Variants in ZNF664 observed in about 807,000 individuals in gnomAD.
The protein encoded by ZNF664 is zinc finger protein 664.
In ZNF664, 10 loss-of-function variants were observed where a neutral mutation model predicts 18.2. The ratio of observed to expected loss-of-function variants is 0.55; its 90% CI spans 0.34 to 0.93. The LOEUF (loss-of-function observed/expected upper bound fraction) is 0.93, where lower values mean the gene tolerates loss of function less well. Ranked by LOEUF, ZNF664 falls within the 40% of genes least tolerant of loss-of-function variation. ZNF664 has a pLI of 0.02. For synonymous variants in ZNF664, 119 were observed against 104.2 expected, an observed-to-expected ratio of 1.14 and a Z score of -0.86; for missense variants, 193 against 319.0, an observed-to-expected ratio of 0.61 and a Z score of 3.01.
chr12:124,007,773 C>G (rs1188363866), intron 3 of ZNF664, among the ~76,000 whole-genome samples: 1 of 96,890 alleles, frequency 1.0e-5, no homozygotes, highest in African/African-American at 5.1e-5. Flanking sequence ...ACTATTATCT[C>G]TTACCTAAAT....
chr12:124,001,023 A>T (rs1329505633), intron 3 of ZNF664, among the ~76,000 whole-genome samples: 1 of 152,172 alleles, frequency 6.6e-6, no homozygotes, highest in East Asian at 1.9e-4. Flanking sequence ...TGGAAATCAC[A>T]ATCTTTGTCT....
rs964269377 is a variant in ZNF664, at chr12:123,988,247, C to A, written c.-661+109C>A. 10 of 1,041,416 alleles carry A rather than the reference C, an allele frequency of 9.6e-6. No individual in the cohort carries two copies. In the African/African-American group the frequency reaches 1.2e-4, roughly 12 times the overall value. 64.5% of individuals were successfully genotyped at this position (1,041,416 alleles called of 1,614,324 possible). A position where few individuals can be genotyped will look rare whatever the true frequency, so the allele number is the denominator to read the frequency against. On this transcript the variant is annotated intron_variant, in intron 3 of 4. Transcript: ENST00000337815. ...TTTCTGAGCATGTGCCCTTTGGGCT[C>A]AGTGAGGAAGCAGCTCTCCGTGCAC...
chr12:123,984,487 G>T (rs1372897356), intron 2 of ZNF664, among the ~76,000 whole-genome samples: 1 of 152,128 alleles, frequency 6.6e-6, no homozygotes, highest in Non-Finnish European at 1.5e-5. Flanking sequence ...AGGGAGACAG[G>T]GTAGCTAGAG....
intron 2 of ZNF664, 29 bp downstream of exon 2, chr12:123,974,049 C>T (rs1219748840): frequency 3.0e-6 from 3 of 1,006,022 alleles, no homozygotes; most frequent in Non-Finnish European, 3.8e-6. Flanking sequence ...CTGTCCACTT[C>T]CCTCTGACTC....
intron 3 of ZNF664, among the ~76,000 whole-genome samples, chr12:123,990,361 T>G (rs545450191): frequency 1.3e-5 from 2 of 152,278 alleles, no homozygotes; most frequent in East Asian, 3.9e-4. Context: ...TAACTACTGT[T>G]GCTACTCCTA....
At chr12:124,005,089 T>C (rs1463363379) in intron 3 of ZNF664, among the ~76,000 whole-genome samples, 1 of 152,206 alleles carries the variant, frequency 6.6e-6, no homozygotes. Context: ...TGGTCCCTGC[T>C]GCCAAAAAGG....
At chr12:124,008,341 G>A (rs1957097300) in intron 3 of ZNF664, among the ~76,000 whole-genome samples, 1 of 152,158 alleles carries the variant, frequency 6.6e-6, no homozygotes, top group Non-Finnish European at 1.5e-5. Flanking sequence ...GTTTCCCATT[G>A]CACCACAGCA....
In ZNF664 at chr12:123,973,360, C is replaced by A. The variant is rs1171995898; in HGVS notation, c.-892+8C>A. On this transcript the variant is annotated splice_region_variant and intron_variant, in intron 1 of 4. Transcript: ENST00000337815. The stretch of plus-strand genomic sequence containing the variant: ...TGACTCCCCTCACTTGGAGTGAGTT[C>A]TCGGCGGCCGGGCTGCAGTCTTTCT... 2.1e-6 allele frequency: 2 copies of A among 961,242 alleles called. No individual in the cohort carries two copies. The highest frequency in any genetic ancestry group is 1.2e-6 in the Non-Finnish European group (1 of 816,218). 59.5% of individuals were successfully genotyped at this position (961,242 alleles called of 1,614,324 possible).
rs147146939 is a variant in ZNF664, at chr12:124,014,820, A to G, written c.*1890A>G. On this transcript the variant is annotated 3_prime_UTR_variant, in exon 5 of 5. Coordinates refer to ENST00000337815, the MANE Select transcript of ZNF664 (RefSeq NM_152437.3). ...GAGCACATGATTTAGTGGGTGGGCC[A>G]TGAAACTAGAGATGGGATTTGGGGG... 1.8e-5 allele frequency: 3 copies of G among 166,166 alleles called. No individual in the cohort carries two copies. The highest frequency in any genetic ancestry group is 3.9e-4 in the East Asian group (2 of 5,186). 10.3% of individuals were successfully genotyped at this position (166,166 alleles called of 1,614,324 possible). A position where few individuals can be genotyped will look rare whatever the true frequency, so the allele number is the denominator to read the frequency against.
chr12:124,015,019 CTT>C lies in ZNF664; in HGVS notation c.*2091_*2092del, dbSNP rs1282269658. On this transcript the variant is annotated 3_prime_UTR_variant, in exon 5 of 5. Coordinates refer to ENST00000337815, the MANE Select transcript of ZNF664 (RefSeq NM_152437.3). Reference sequence around the variant, plus strand: ...CGATTTACTGTAGTGTCTTATCACTCTTTCATGTCACAATAGCGTGGAGCATT... The same window carrying C: ...CGATTTACTGTAGTGTCTTATCACTCTCATGTCACAATAGCGTGGAGCATT... The C allele has an allele frequency of 6.0e-6, 1 of 167,116 alleles. No individual in the cohort carries two copies. Among genetic ancestry groups the C allele is most frequent in the Non-Finnish European group, 1.5e-5 (1 of 68,132 alleles). 10.4% of individuals were successfully genotyped at this position (167,116 alleles called of 1,614,324 possible). A position where few individuals can be genotyped will look rare whatever the true frequency, so the allele number is the denominator to read the frequency against.
intron 2 of ZNF664, among the ~76,000 whole-genome samples, chr12:123,976,703 G>T (rs1424184861): frequency 6.6e-6 from 1 of 151,996 alleles, no homozygotes. Flanking sequence ...TCAGAGGGCT[G>T]CCTGGAAGAG....
At chr12:124,000,130 G>A (rs1207543121) in intron 3 of ZNF664, among the ~76,000 whole-genome samples, 7 of 152,174 alleles carry the variant, frequency 4.6e-5, no homozygotes, top group African/African-American at 1.2e-4. Context: ...AGCCCCTGAG[G>A]AACTGAGCCC....
intron 3 of ZNF664, among the ~76,000 whole-genome samples, chr12:124,011,096 CT>C (rs748178237): frequency 1.3e-5 from 2 of 152,200 alleles, no homozygotes; most frequent in Non-Finnish European, 2.9e-5. Flanking sequence ...ACATCATGTA[CT>C]TATTCTTTCT....
At chr12:123,985,505 TA>T (rs1427316964) in intron 2 of ZNF664, among the ~76,000 whole-genome samples, 1 of 152,250 alleles carries the variant, frequency 6.6e-6, no homozygotes, top group Non-Finnish European at 1.5e-5. Flanking sequence ...AATGACATTT[TA>T]AAAAACTTCT....
chr12:123,983,451 TA>T (rs1376318524), intron 2 of ZNF664, among the ~76,000 whole-genome samples: 1 of 152,242 alleles, frequency 6.6e-6, no homozygotes, highest in Non-Finnish European at 1.5e-5. Flanking sequence ...AGAACTCATT[TA>T]TTTTTCATAC....
chr12:123,980,689 A>G (rs1039316572), intron 2 of ZNF664, among the ~76,000 whole-genome samples: 10 of 152,218 alleles, frequency 6.6e-5, no homozygotes, highest in Admixed American at 5.2e-4. Flanking sequence ...ACCTGATATG[A>G]TGAAAACGCC....
rs1957053661 is a variant in ZNF664, at chr12:124,004,930, A to G, written c.-660-6451A>G. 4 of 176,484 alleles carry G rather than the reference A, an allele frequency of 2.3e-5. No homozygotes were observed. In the South Asian group the frequency reaches 6.9e-4, roughly 30 times the overall value. The allele number at this position is 176,484 out of a possible 1,614,324, so 10.9% of individuals were successfully genotyped here. Reference sequence around the variant, plus strand: ...AGCTCAGGGCTCCCACTGATTCTACATTATGGTAAGTTGTATAATTATTTC... The same window carrying G: ...AGCTCAGGGCTCCCACTGATTCTACGTTATGGTAAGTTGTATAATTATTTC... On this transcript the variant is annotated intron_variant, in intron 3 of 4. Coordinates refer to ENST00000337815, the MANE Select transcript of ZNF664 (RefSeq NM_152437.3).
chr12:123,978,524 A>G (rs1191373058), intron 2 of ZNF664, among the ~76,000 whole-genome samples: 1 of 152,206 alleles, frequency 6.6e-6, no homozygotes, highest in African/African-American at 2.4e-5. Context: ...AAGCTAACCT[A>G]AATAAATGGG....
In ZNF664 at chr12:123,992,442, C is replaced by T. The variant is rs75996196; in HGVS notation, c.-661+4304C>T. Among the ~76,000 whole-genome samples the T allele has an allele frequency of 5.3e-3, 809 of 152,204 alleles. 11 individuals carry two copies. The highest frequency in any genetic ancestry group is 4.9e-3 in the Non-Finnish European group (334 of 68,006). On this transcript the variant is annotated intron_variant, in intron 3 of 4. Transcript: ENST00000337815. ...ATTCTGGAAAGGAGAGGAGTATAAC[C>T]GGGCTGATATCCTAAATTTAGTTGG...
Sources: allele counts gnomAD v4.1 joint callset (sites outside exome capture counted in the v4.1 genomes callset), GRCh38; gene constraint gnomAD v4.1.1; transcripts MANE v1.5; gene names NCBI Gene and HGNC (gene_info 2026-07-23, HGNC 2026-07-21).